Variants in ESRRG observed in about 807,000 individuals in gnomAD.
ESRRG encodes the protein estrogen-related receptor gamma.
In ESRRG, 13 loss-of-function variants were observed where a neutral mutation model predicts 44.0. That is an observed-to-expected ratio of 0.30 (90% confidence interval 0.19 to 0.47). The LOEUF (loss-of-function observed/expected upper bound fraction) is 0.47, where lower values mean the gene tolerates loss of function less well. Ranked by LOEUF, ESRRG falls within the 20% of genes least tolerant of loss-of-function variation. ESRRG has a pLI of 1.00. For missense variants in ESRRG, 395 were observed against 580.6 expected, an observed-to-expected ratio of 0.68 and a Z score of 3.29; for synonymous variants, 215 against 214.6, an observed-to-expected ratio of 1.00 and a Z score of -0.02.
chr1:216,895,010 T>C (rs2058253600), intron 2 of ESRRG, among the ~76,000 whole-genome samples: 1 of 152,212 alleles, frequency 6.6e-6, no homozygotes, highest in South Asian at 2.1e-4. Flanking sequence ...TTGCTGTTTT[T>C]CAATTTGTGT....
intron 1 of ESRRG, among the ~76,000 whole-genome samples, chr1:217,030,212 A>G (rs1291504149): frequency 6.6e-6 from 1 of 151,834 alleles, no homozygotes; most frequent in Admixed American, 6.6e-5. Flanking sequence ...CAAGTGATCA[A>G]ACCACAAGCC....
chr1:216,555,903 G>A (rs1322046403), intron 5 of ESRRG, among the ~76,000 whole-genome samples: 3 of 152,060 alleles, frequency 2.0e-5, no homozygotes, highest in Admixed American at 1.3e-4. Flanking sequence ...GCAGATAAAG[G>A]GGGACGCAGG....
At chr1:216,517,169 A>G (rs772351346) in intron 6 of ESRRG, among the ~76,000 whole-genome samples, 1 of 152,150 alleles carries the variant, frequency 6.6e-6, no homozygotes, top group Non-Finnish European at 1.5e-5. Flanking sequence ...CTACCATGAT[A>G]AGAGAAGAAA....
At position 216,706,064 on chromosome 1, in the gene ESRRG, C is replaced by T. The variant is rs543778093; in HGVS notation, c.56+17180G>A. 3.9e-5 allele frequency among the ~76,000 whole-genome samples: 6 copies of T among 152,268 alleles called. No homozygotes were observed. In the East Asian group the frequency reaches 7.7e-4, roughly 20 times the overall value. ...GCCCTCTTCCTCCTCGTCCCCCACC[C>T]CCAGCAACCCCTGATGTTTCATGTT... On this transcript the variant is annotated intron_variant, in intron 1 of 6. Coordinates refer to ENST00000408911, the MANE Select transcript of ESRRG (RefSeq NM_001438.4).
intron 2 of ESRRG, among the ~76,000 whole-genome samples, chr1:216,875,034 G>C (rs924911881): frequency 5.9e-5 from 9 of 152,112 alleles, no homozygotes; most frequent in African/African-American, 2.2e-4. Context: ...GATTCGAACT[G>C]ATCCACCACC....
chr1:216,545,543 A>G (rs1277522821), intron 5 of ESRRG, among the ~76,000 whole-genome samples: 2 of 152,124 alleles, frequency 1.3e-5, no homozygotes, highest in Non-Finnish European at 2.9e-5. Context: ...CTTCAAATAT[A>G]CATAGCTTTG....
intron 2 of ESRRG, among the ~76,000 whole-genome samples, chr1:216,794,277 A>C (rs907083130): frequency 6.6e-6 from 1 of 152,174 alleles, no homozygotes; most frequent in Non-Finnish European, 1.5e-5. Context: ...CAGTATTTAC[A>C]CTCATTATGA....
intron 1 of ESRRG, among the ~76,000 whole-genome samples, chr1:217,110,393 GCAAA>G: frequency 6.6e-6 from 1 of 152,220 alleles, no homozygotes; most frequent in South Asian, 2.1e-4. Context: ...CACAACCATA[GCAAA>G]CCATTGCCTG....
intron 1 of ESRRG, among the ~76,000 whole-genome samples, chr1:216,960,018 T>C (rs545546362): frequency 2.0e-5 from 3 of 152,260 alleles, no homozygotes; most frequent in African/African-American, 7.2e-5. Flanking sequence ...GCTGGTCGGT[T>C]CCAGAGTCAG....
intron 1 of ESRRG, among the ~76,000 whole-genome samples, chr1:216,704,087 G>C (rs1416055076): frequency 6.6e-6 from 1 of 152,146 alleles, no homozygotes; most frequent in Non-Finnish European, 1.5e-5. Context: ...TTTCATGTGT[G>C]TTCCGTTCCC....
intron 3 of ESRRG, among the ~76,000 whole-genome samples, chr1:216,605,764 TAATAA>T (rs1163847585): frequency 6.6e-6 from 1 of 151,794 alleles, no homozygotes; most frequent in Non-Finnish European, 1.5e-5. Flanking sequence ...AGAGGAACTC[TAATAA>T]AAATTTCAAT....
intron 2 of ESRRG, among the ~76,000 whole-genome samples, chr1:216,824,723 C>A (rs1559775623): frequency 1.3e-5 from 2 of 152,278 alleles, no homozygotes; most frequent in Non-Finnish European, 2.9e-5. Context: ...CTTTCAAATA[C>A]AAGCATCCAT....
intron 3 of ESRRG, among the ~76,000 whole-genome samples, chr1:216,584,988 G>A (rs1157312811): frequency 1.3e-5 from 2 of 152,102 alleles, no homozygotes; most frequent in Non-Finnish European, 2.9e-5. Context: ...TTGCTAACAA[G>A]AATGAAATAA....
intron 3 of ESRRG, among the ~76,000 whole-genome samples, chr1:216,638,875 A>G (rs2065833164): frequency 6.6e-6 from 1 of 152,224 alleles, no homozygotes; most frequent in African/African-American, 2.4e-5. Context: ...CCCCAACTCT[A>G]GATGTTGTAA....
intron 2 of ESRRG, among the ~76,000 whole-genome samples, chr1:216,772,093 C>T (rs578067856): frequency 5.3e-5 from 8 of 152,066 alleles, no homozygotes; most frequent in South Asian, 2.1e-4. Flanking sequence ...GACAGGTACC[C>T]GACAGATTTA....
At chr1:216,870,071 T>C (rs1025775054) in intron 2 of ESRRG, among the ~76,000 whole-genome samples, 2 of 152,132 alleles carry the variant, frequency 1.3e-5, no homozygotes, top group Non-Finnish European at 2.9e-5. Flanking sequence ...TTCCTGATCA[T>C]AGGGAGAAAG....
chr1:216,575,951 T>A (rs2061613265), intron 3 of ESRRG, among the ~76,000 whole-genome samples: 1 of 152,076 alleles, frequency 6.6e-6, no homozygotes. Context: ...GATTTCACCT[T>A]TAAAAGTTCA....
chr1:217,025,613 G>T (rs1579680380), intron 1 of ESRRG, among the ~76,000 whole-genome samples: 1 of 152,208 alleles, frequency 6.6e-6, no homozygotes, highest in African/African-American at 2.4e-5. Flanking sequence ...AAAGCTGTTT[G>T]CCAGAAAAAA....
At chr1:217,009,836 G>A (rs746233194) in intron 1 of ESRRG, among the ~76,000 whole-genome samples, 3 of 150,726 alleles carry the variant, frequency 2.0e-5, no homozygotes, top group Non-Finnish European at 2.9e-5. Flanking sequence ...CTCCCAAGTA[G>A]CTGAGATTAC....
Sources: allele counts gnomAD v4.1 joint callset (sites outside exome capture counted in the v4.1 genomes callset), GRCh38; gene constraint gnomAD v4.1.1; transcripts MANE v1.5; gene names NCBI Gene and HGNC (gene_info 2026-07-23, HGNC 2026-07-21).